The following ZNF507 variants were observed in gnomAD, a reference collection of about 807,000 sequenced individuals.
ZNF507 encodes the protein zinc finger protein 507.
In ZNF507, 29 loss-of-function variants were observed where a neutral mutation model predicts 80.0. The ratio of observed to expected loss-of-function variants is 0.36; its 90% confidence interval spans 0.27 to 0.49. ZNF507 has a LOEUF of 0.49. ZNF507 is among the 20% of genes least tolerant of loss of function. ZNF507 has a pLI of 0.98. For synonymous variants in ZNF507, 462 were observed against 422.5 expected, an observed-to-expected ratio of 1.09 and a Z score of -1.15; for missense variants, 1,081 against 1,152.2, an observed-to-expected ratio of 0.94 and a Z score of 0.90.
At chr19:32,370,994 C>T (rs999610908) in intron 5 of ZNF507, among the ~76,000 whole-genome samples, 2 of 152,170 alleles carry the variant, frequency 1.3e-5, no homozygotes, top group African/African-American at 2.4e-5. Context: ...GTTCTTTCTC[C>T]ATTATGTCCT....
In ZNF507 at chr19:32,353,925, T is replaced by G. The variant is rs1298182209; in HGVS notation, c.1095T>G (p.Ile365Met). The G allele has an allele frequency of 6.2e-7, 1 of 1,614,146 alleles. No individual in the cohort carries two copies. Among genetic ancestry groups the G allele is most frequent in the Non-Finnish European group, 8.5e-7 (1 of 1,180,034 alleles). Residue 365 changes from isoleucine to methionine, a missense_variant, in exon 3 of 7, where the codon ATT becomes ATG. By Grantham distance (10) the Ile-to-Met change is conservative. This residue lies in a region of ZNF507 where 614 missense variants were observed against 583.9 expected (regional missense o/e 1.05). Coordinates refer to ENST00000355898, the MANE Select transcript of ZNF507 (RefSeq NM_001136156.2). ...DPNEEEMLEV[I>M]SDAEENLIPD... ...ATGAGGAAGAAATGCTAGAAGTGAT[T>G]TCTGATGCAGAGGAGAATCTGATTC...
At chr19:32,372,758 C>T (rs1967491613) in intron 5 of ZNF507, among the ~76,000 whole-genome samples, 1 of 151,972 alleles carries the variant, frequency 6.6e-6, no homozygotes, top group Admixed American at 6.5e-5. Context: ...CATGAGGGAT[C>T]CACCCCCAAA....
chr19:32,382,372 G>A (rs1006901658), intron 5 of ZNF507, 95 bp from the exon 6 acceptor site: 33 of 1,462,388 alleles, frequency 2.3e-5, no homozygotes, highest in South Asian at 3.9e-5. Context: ...ATAAGGGTTC[G>A]GAGGAAGGGC....
intron 5 of ZNF507, among the ~76,000 whole-genome samples, chr19:32,375,858 C>G (rs1967539757): frequency 6.6e-6 from 1 of 152,128 alleles, no homozygotes; most frequent in South Asian, 2.1e-4. Flanking sequence ...AATGGTGACT[C>G]ATAATAATGA....
At chr19:32,378,660 A>G (rs1401914420) in intron 5 of ZNF507, among the ~76,000 whole-genome samples, 1 of 145,680 alleles carries the variant, frequency 6.9e-6, no homozygotes, top group Admixed American at 6.8e-5. Context: ...TAAAAAAAAA[A>G]GGGAAAACAG....
chr19:32,382,574 T>C lies in ZNF507; in HGVS notation c.2468T>C (p.Ile823Thr). Residue 823 changes from isoleucine to threonine, a missense_variant, in exon 6 of 7, where the codon ATT becomes ACT. Ile to Thr is a moderately conservative substitution (Grantham distance 89, BLOSUM62 -1). Coordinates refer to ENST00000355898, the MANE Select transcript of ZNF507 (RefSeq NM_001136156.2). The part of the protein sequence containing the change: ...NYNYEQVNKA[I>T]NDAISQSGRV... ...AACTACGAACAAGTAAACAAGGCTA[T>C]TAACGACGCGATTTCACAAAGTGGC... The C allele has an allele frequency of 6.2e-7, 1 of 1,614,188 alleles. No individual in the cohort carries two copies. Among genetic ancestry groups the C allele is most frequent in the Non-Finnish European group, 8.5e-7 (1 of 1,180,022 alleles).
In ZNF507 at chr19:32,382,912, C is replaced by T. The variant is rs1313111379; in HGVS notation, c.2691C>T (p.Ser897=). 2 of 1,614,122 alleles carry T rather than the reference C, an allele frequency of 1.2e-6. No homozygotes were observed. The highest frequency in any genetic ancestry group is 2.2e-5 in the East Asian group (1 of 44,870). ...CCTCATATAGTTTAGAAAAAATCTC[C>T]AGTCTGGCCCCTCCTAGCATGGAGT... ...SNTSYSLEKI[S]SLAPPSMEYC... is the part of the protein sequence containing the mutation. The change falls in exon 7 of 7, where the codon TCC becomes TCT. Residue 897 remains serine (S), a synonymous_variant. Coordinates refer to ENST00000355898, the MANE Select transcript of ZNF507 (RefSeq NM_001136156.2).
chr19:32,365,964 T>G (rs1423234174), intron 5 of ZNF507, among the ~76,000 whole-genome samples: 1 of 152,204 alleles, frequency 6.6e-6, no homozygotes, highest in Non-Finnish European at 1.5e-5. Context: ...TTTGTGTAAG[T>G]TTAATTTGTG....
intron 5 of ZNF507, among the ~76,000 whole-genome samples, chr19:32,364,741 G>A (rs1967375353): frequency 1.3e-5 from 2 of 151,974 alleles, no homozygotes; most frequent in South Asian, 2.1e-4. Context: ...GTTGATTGAT[G>A]GGCATTTGGG....
At chr19:32,349,593 T>A (rs1967136950) in intron 2 of ZNF507, among the ~76,000 whole-genome samples, 1 of 152,224 alleles carries the variant, frequency 6.6e-6, no homozygotes. Context: ...AATTTAAAAT[T>A]TTTCCTGATA....
intron 2 of ZNF507, among the ~76,000 whole-genome samples, chr19:32,352,474 C>CTTTTTT (rs34217641): frequency 2.1e-5 from 3 of 146,302 alleles, no homozygotes; most frequent in African/African-American, 2.5e-5. Flanking sequence ...GAATAGGAGT[C>CTTTTTT]TTTTTTTTTT....
At chr19:32,359,337 T>C (rs1170919630) in intron 4 of ZNF507, 1 of 152,214 alleles carries the variant, frequency 6.6e-6, no homozygotes, top group Admixed American at 6.5e-5. Flanking sequence ...GGATTTTCTT[T>C]GTTGAAATTT....
rs760427950 is a variant in ZNF507, at chr19:32,354,466, C to T, written c.1636C>T (p.Pro546Ser). 1 of 1,614,122 alleles carries T rather than the reference C, an allele frequency of 6.2e-7. No homozygotes were observed. The highest frequency in any genetic ancestry group is 8.5e-7 in the Non-Finnish European group (1 of 1,180,020). The change falls in exon 3 of 7, where the codon CCA becomes TCA. Residue 546 changes from proline to serine, a missense_variant. Physicochemically the swap from Pro to Ser is moderately conservative, Grantham distance 74 (BLOSUM62 -1). Coordinates refer to ENST00000355898, the MANE Select transcript of ZNF507 (RefSeq NM_001136156.2). The part of the protein sequence containing the change: ...TLAAYSKMMS[P>S]LKNSSDGLTS... ...GGCAGCGTACTCAAAAATGATGTCG[C>T]CACTTAAAAACTCTTCAGATGGATT...
At chr19:32,369,781 T>TCTA (rs1168778903) in intron 5 of ZNF507, among the ~76,000 whole-genome samples, 1 of 152,200 alleles carries the variant, frequency 6.6e-6, no homozygotes, top group East Asian at 1.9e-4. Context: ...GCAGTTAAAA[T>TCTA]CTACTTATTT....
chr19:32,355,465 G>A (rs1216121857), intron 3 of ZNF507, among the ~76,000 whole-genome samples: 1 of 152,172 alleles, frequency 6.6e-6, no homozygotes, highest in African/African-American at 2.4e-5. Flanking sequence ...GTACTGTCAT[G>A]GAAATAGAGC....
intron 5 of ZNF507, among the ~76,000 whole-genome samples, chr19:32,379,516 A>T (rs1249614786): frequency 1.3e-5 from 2 of 152,200 alleles, no homozygotes; most frequent in African/African-American, 4.8e-5. Context: ...TCACTTTCTT[A>T]CTTCTTCACC....
chr19:32,355,035 A>G lies in ZNF507; in HGVS notation c.2127+78A>G, dbSNP rs182308908. On this transcript the variant is annotated intron_variant, in intron 3 of 6. Coordinates refer to ENST00000355898, the MANE Select transcript of ZNF507 (RefSeq NM_001136156.2). ...AAGGGAACTTTGTAGATCTAATCCAATCACCTCATTTTATAGATAAGGAAA... is the reference window on the plus strand; with the variant it reads ...AAGGGAACTTTGTAGATCTAATCCAGTCACCTCATTTTATAGATAAGGAAA... 1,216 of 1,350,092 alleles carry G rather than the reference A, an allele frequency of 9.0e-4. 2 individuals carry two copies. Among genetic ancestry groups the G allele is most frequent in the Non-Finnish European group, 1.1e-3 (1,151 of 1,011,326 alleles). 83.6% of individuals were successfully genotyped at this position (1,350,092 alleles called of 1,614,324 possible). A position where few individuals can be genotyped will look rare whatever the true frequency, so the allele number is the denominator to read the frequency against.
chr19:32,364,533 T>C lies in ZNF507; in HGVS notation c.2360+3915T>C, dbSNP rs372548715. Among the ~76,000 whole-genome samples the C allele has an allele frequency of 1.2e-4, 18 of 152,324 alleles. No individual in the cohort carries two copies. The East Asian group carries it at 1.4e-3, about 11-fold the overall frequency. The stretch of plus-strand genomic sequence containing the variant: ...CCCCAAAGCCATTTTATCATTCTTA[T>C]GCCTTTGCGTCCTCATAGCTTAGCT... On this transcript the variant is annotated intron_variant, in intron 5 of 6. Transcript: ENST00000355898.
intron 3 of ZNF507, 152 bp from the exon 4 acceptor site, chr19:32,356,464 A>G (rs959493054): frequency 3.3e-5 from 19 of 578,124 alleles, no homozygotes; most frequent in Non-Finnish European, 5.2e-5. Flanking sequence ...TAAATTGTCA[A>G]ATGTGTCAAA....
Sources: allele counts gnomAD v4.1 joint callset (sites outside exome capture counted in the v4.1 genomes callset), GRCh38; gene constraint gnomAD v4.1.1; regional missense constraint gnomAD v4.1.1; transcripts MANE v1.5; gene names NCBI Gene and HGNC (gene_info 2026-07-23, HGNC 2026-07-21).